LRP1B: variants seen among roughly 807,000 people sequenced by gnomAD.
LRP1B encodes the protein low-density lipoprotein receptor-related protein 1B.
LRP1B carries 217 observed loss-of-function variants against 556.6 expected under a neutral mutation model. The observed-to-expected ratio is 0.39, with a 90% confidence interval of 0.35 to 0.44. The LOEUF (loss-of-function observed/expected upper bound fraction) is 0.44. Among genes scored for constraint, LRP1B ranks in the 20% least tolerant of loss-of-function variants. LRP1B has a pLI of 1.00. For missense variants in LRP1B, 5,053 were observed against 5,620.8 expected (o/e 0.90, Z 3.23); for synonymous variants, 2,047 against 1,865.8 (o/e 1.10, Z -2.50).
rs560686350 is a variant in LRP1B, at chr2:140,702,516, T to C, written c.6061A>G (p.Ile2021Val). Residue 2021 changes from isoleucine (I) to valine (V), a missense_variant, in exon 38 of 91, where the codon ATT (isoleucine) becomes GTT (valine). Coordinates refer to ENST00000389484, the MANE Select transcript of LRP1B (RefSeq NM_018557.3). ...FWTEWGQMPCIGKARLDGSEK... is the reference protein window; with the variant it reads ...FWTEWGQMPCVGKARLDGSEK... ...GAGCCATCCAAGCGAGCCTTTCCAA[T>C]ACAGGGCATTTGTCCCCATTCAGTC... 6.2e-7 allele frequency: 1 copy of C among 1,613,412 alleles called. No individual in the cohort carries two copies. The highest frequency in any genetic ancestry group is 1.1e-5 in the South Asian group (1 of 91,070).
intron 1 of LRP1B, among the ~76,000 whole-genome samples, chr2:142,019,266 C>A (rs1372374923): frequency 2.6e-5 from 4 of 152,076 alleles, no homozygotes; most frequent in Non-Finnish European, 2.9e-5. Context: ...AAGAGGAATG[C>A]AAGTCTATGG....
chr2:140,550,151 G>C (rs887839218), intron 43 of LRP1B, among the ~76,000 whole-genome samples: 1 of 152,070 alleles, frequency 6.6e-6, no homozygotes, highest in Admixed American at 6.6e-5. Flanking sequence ...CAAATGACCT[G>C]GCTGCACTCA....
At chr2:140,857,287 A>G (rs1473773940) in intron 27 of LRP1B, among the ~76,000 whole-genome samples, 1 of 152,162 alleles carries the variant, frequency 6.6e-6, no homozygotes, top group East Asian at 1.9e-4. Context: ...CCTCCCATGT[A>G]GTCATTTTTG....
At chr2:140,923,368 T>C (rs1413108608) in intron 20 of LRP1B, among the ~76,000 whole-genome samples, 1 of 152,082 alleles carries the variant, frequency 6.6e-6, no homozygotes, top group East Asian at 1.9e-4. Flanking sequence ...TAAAATGATG[T>C]TTCTTGCCTC....
chr2:140,464,229 AAAAG>A, intron 60 of LRP1B, among the ~76,000 whole-genome samples: 1 of 151,850 alleles, frequency 6.6e-6, no homozygotes, highest in African/African-American at 2.4e-5. Flanking sequence ...ATAAAATAAA[AAAAG>A]AAATTCATAC....
chr2:141,975,305 T>C (rs1449435680), intron 1 of LRP1B, among the ~76,000 whole-genome samples: 1 of 152,022 alleles, frequency 6.6e-6, no homozygotes, highest in Non-Finnish European at 1.5e-5. Flanking sequence ...TTTGTTTGAG[T>C]GTATGTGCTT....
At chr2:141,703,214 A>G (rs1692010470) in intron 2 of LRP1B, among the ~76,000 whole-genome samples, 1 of 135,566 alleles carries the variant, frequency 7.4e-6, no homozygotes, top group African/African-American at 2.8e-5. Flanking sequence ...ACCTAAGGAA[A>G]GAATATCATA....
At chr2:141,397,958 T>C (rs1690304913) in intron 3 of LRP1B, among the ~76,000 whole-genome samples, 2 of 152,002 alleles carry the variant, frequency 1.3e-5, no homozygotes, top group African/African-American at 2.4e-5. Flanking sequence ...GTTTAATGTC[T>C]AGATGGGAAA....
At chr2:141,838,583 T>C (rs893431733) in intron 1 of LRP1B, among the ~76,000 whole-genome samples, 1 of 152,226 alleles carries the variant, frequency 6.6e-6, no homozygotes, top group Admixed American at 6.5e-5. Flanking sequence ...ACTTCTCATA[T>C]GATCCTTGTA....
intron 7 of LRP1B, among the ~76,000 whole-genome samples, chr2:141,131,741 A>G (rs1008272539): frequency 3.3e-5 from 5 of 151,996 alleles, no homozygotes; most frequent in Admixed American, 2.0e-4. Flanking sequence ...TTAAATCATC[A>G]TGAGCTGTCA....
chr2:140,969,364 G>C (rs1411398848), intron 18 of LRP1B, among the ~76,000 whole-genome samples: 1 of 151,576 alleles, frequency 6.6e-6, no homozygotes, highest in East Asian at 1.9e-4. Context: ...GCCTTTTTTT[G>C]TTTTCCATTT....
At chr2:142,086,225 T>G (rs1253447936) in intron 1 of LRP1B, among the ~76,000 whole-genome samples, 1 of 152,140 alleles carries the variant, frequency 6.6e-6, no homozygotes, top group African/African-American at 2.4e-5. Context: ...AGAGGCAAGT[T>G]AGTCCTTAGA....
At chr2:141,041,130 C>A (rs899513026) in intron 11 of LRP1B, among the ~76,000 whole-genome samples, 3 of 152,042 alleles carry the variant, frequency 2.0e-5, no homozygotes, top group East Asian at 3.9e-4. Context: ...GTCAACTTCT[C>A]TTCTGATATT....
chr2:140,243,168 T>C (rs975824221), intron 87 of LRP1B, among the ~76,000 whole-genome samples: 3 of 151,066 alleles, frequency 2.0e-5, no homozygotes, highest in African/African-American at 7.3e-5. Flanking sequence ...GATACAGATA[T>C]ATCAAGCAAG....
chr2:141,184,763 G>T (rs1365383553), intron 7 of LRP1B, among the ~76,000 whole-genome samples: 1 of 150,262 alleles, frequency 6.7e-6, no homozygotes, highest in Non-Finnish European at 1.5e-5. Context: ...AAGAAAAAAG[G>T]TTCCCCTCCA....
chr2:141,145,209 G>C (rs768421828), intron 7 of LRP1B, among the ~76,000 whole-genome samples: 3 of 151,938 alleles, frequency 2.0e-5, no homozygotes, highest in Admixed American at 6.6e-5. Flanking sequence ...AAAAAGTTTT[G>C]CTATTAAAAT....
In LRP1B at chr2:141,231,767, A is replaced by G. The variant is rs536325896; in HGVS notation, c.593-2327T>C. ...CCATAAACCTCTCCTCCCCCAGGAAATTCTCTCAAGTCATAGGATTCCTGT... is the reference window on the plus strand; with the variant it reads ...CCATAAACCTCTCCTCCCCCAGGAAGTTCTCTCAAGTCATAGGATTCCTGT... On this transcript the variant is annotated intron_variant, in intron 5 of 90. Transcript: ENST00000389484. 4.3e-4 allele frequency among the ~76,000 whole-genome samples: 65 copies of G among 152,266 alleles called. No homozygotes were observed. The South Asian group carries it at 0.013, about 31-fold the overall frequency.
intron 2 of LRP1B, among the ~76,000 whole-genome samples, chr2:141,794,692 C>T (rs1248963862): frequency 1.3e-5 from 2 of 151,932 alleles, no homozygotes; most frequent in Non-Finnish European, 2.9e-5. Flanking sequence ...ACTTTTTTTA[C>T]ACCTTTCCAG....
At chr2:141,763,703 TAAAG>T (rs1694637660) in intron 2 of LRP1B, among the ~76,000 whole-genome samples, 1 of 152,148 alleles carries the variant, frequency 6.6e-6, no homozygotes, top group Non-Finnish European at 1.5e-5. Flanking sequence ...GAATATATCT[TAAAG>T]AAATAGTCAG....
Sources: gnomAD v4.1 joint callset for allele counts (sites outside exome capture counted in the v4.1 genomes callset) on GRCh38, gnomAD v4.1.1 for gene constraint, MANE v1.5 for transcripts, NCBI Gene and HGNC (gene_info 2026-07-23, HGNC 2026-07-21) for gene names.